Variants in RDX observed in about 807,000 individuals in gnomAD.
RDX encodes deafness, autosomal recessive 24.
RDX carries 32 observed loss-of-function variants against 83.7 expected under a neutral mutation model. That is an observed-to-expected ratio of 0.38 (90% CI 0.29 to 0.51). The LOEUF is 0.51. Ranked by LOEUF, RDX falls within the 20% of genes least tolerant of loss-of-function variation. RDX has a pLI of 0.87. For missense variants in RDX, 600 were observed against 689.9 expected (o/e 0.87, Z 1.46); for synonymous variants, 229 against 222.7 (o/e 1.03, Z -0.25).
chr11:110,185,104 TGCTGTACAAGGTTTTA>T (rs1862961466), intron 15 of RDX: 1 of 152,196 alleles, frequency 6.6e-6, no homozygotes, highest in Non-Finnish European at 1.5e-5. Flanking sequence ...TTGTGCACAG[TGCTGTACAAGGTTTTA>T]TCCAAGGAGA....
chr11:110,194,121 G>A (rs564744445), intron 15 of RDX, among the ~76,000 whole-genome samples: 1 of 152,352 alleles, frequency 6.6e-6, no homozygotes, highest in Admixed American at 6.5e-5. Flanking sequence ...AAGAACAGAT[G>A]TGGCACAACT....
chr11:110,254,649 T>C (rs1468693147), intron 8 of RDX, among the ~76,000 whole-genome samples: 1 of 152,024 alleles, frequency 6.6e-6, no homozygotes, highest in East Asian at 1.9e-4. Flanking sequence ...CTAATATTTG[T>C]ATTTTCAGTA....
At chr11:110,272,460 G>T in intron 3 of RDX, 76 bp downstream of exon 3, 1 of 986,784 alleles carries the variant, frequency 1.0e-6, no homozygotes, top group Non-Finnish European at 1.6e-6. Context: ...CAAAAGTACA[G>T]AAAAACAGAG....
rs1260638572 is a variant in RDX, at chr11:110,199,671, G to A, written c.1756C>T (p.Pro586Ser). 7.1e-6 allele frequency: 5 copies of A among 702,896 alleles called. No individual in the cohort carries two copies. The Admixed American group carries it at 1.0e-4, about 14-fold the overall frequency. The allele number at this position is 702,896 out of a possible 1,614,324, so 43.5% of individuals were successfully genotyped here. The change falls in exon 15 of 16, where the codon CCC (proline) becomes TCC (serine). Residue 586 changes from proline (P) to serine (S), a missense_variant. Physicochemically the swap from Pro to Ser is moderately conservative, Grantham distance 74 (BLOSUM62 -1). Coordinates refer to the RDX transcript ENST00000528498. ...ATCTGGAACAATGCATACAGTTTGG[G>A]TCCCCACCTTTCAAAAGAGACATTA...
chr11:110,256,900 G>A, intron 7 of RDX, among the ~76,000 whole-genome samples: 1 of 152,216 alleles, frequency 6.6e-6, no homozygotes, highest in East Asian at 1.9e-4. Flanking sequence ...TATTTTATTA[G>A]ATATCTGTAG....
chr11:110,258,867 C>CTTTTTTTTTT (rs11421586), intron 5 of RDX, among the ~76,000 whole-genome samples: 1 of 94,618 alleles, frequency 1.1e-5, no homozygotes, highest in Non-Finnish European at 2.0e-5. Flanking sequence ...CAAATACATT[C>CTTTTTTTTTT]TTTTTTTTTT....
intron 14 of RDX, among the ~76,000 whole-genome samples, chr11:110,201,903 TTGTGTGTGTGTGTGTG>T (rs141731309): frequency 0.012 from 1,661 of 137,284 alleles, 45 homozygotes; most frequent in African/African-American, 0.041. Context: ...CCGGCTAATT[TTGTGTGTGTGTGTGTG>T]TGTGTGTGTG....
chr11:110,207,083 C>T (rs144426083), intron 14 of RDX, among the ~76,000 whole-genome samples: 1 of 152,152 alleles, frequency 6.6e-6, no homozygotes, highest in Admixed American at 6.5e-5. Flanking sequence ...AGCCAATTCT[C>T]AAGCCTCAGC....
At chr11:110,211,541 GCACCA>G (rs1482962761) in intron 14 of RDX, among the ~76,000 whole-genome samples, 12 of 151,136 alleles carry the variant, frequency 7.9e-5, no homozygotes, top group Admixed American at 4.6e-4. Flanking sequence ...TTTTTTTTCA[GCACCA>G]CACCACACCT....
rs1864712941 is a variant in RDX at position 110,233,312 on chromosome 11, C to T, written c.1512G>A (p.Gly504=). 1 of 1,614,026 alleles carries T rather than the reference C, an allele frequency of 6.2e-7. No homozygotes were observed. The highest frequency in any genetic ancestry group is 8.5e-7 in the Non-Finnish European group (1 of 1,180,004). Residue 504 remains glycine (G), a synonymous_variant, in exon 13 of 14, where the codon GGG becomes GGA. Coordinates refer to ENST00000645495, the MANE Select transcript of RDX (RefSeq NM_002906.4). ...AEASAELSNE[G]VMNHRSEEER... ...CTTCCTCGCTTCTATGGTTCATTACCCCTTCATTTGATAATTCAGCACTAG... is the reference window on the plus strand; with the variant it reads ...CTTCCTCGCTTCTATGGTTCATTACTCCTTCATTTGATAATTCAGCACTAG...
intron 5 of RDX, chr11:110,263,310 G>A (rs1168580690): frequency 1.3e-5 from 2 of 152,004 alleles, no homozygotes; most frequent in Non-Finnish European, 2.9e-5. Flanking sequence ...ATTCTATGAA[G>A]AAAACACAGC....
chr11:110,240,914 G>A (rs1241597910), intron 10 of RDX, among the ~76,000 whole-genome samples: 1 of 150,778 alleles, frequency 6.6e-6, no homozygotes, highest in African/African-American at 2.4e-5. Flanking sequence ...AAATTAGCTG[G>A]GTGTGGTGGC....
At chr11:110,284,057 T>C (rs972039399) in intron 1 of RDX, among the ~76,000 whole-genome samples, 6 of 152,214 alleles carry the variant, frequency 3.9e-5, no homozygotes, top group Non-Finnish European at 8.8e-5. Flanking sequence ...TTACCAATGA[T>C]ATACTCATTA....
chr11:110,264,696 C>T, intron 4 of RDX, 83 bp downstream of exon 4: 1 of 950,708 alleles, frequency 1.1e-6, no homozygotes, highest in Non-Finnish European at 1.6e-6. Context: ...AGCTTGCAAT[C>T]AGTCAGACTT....
At chr11:110,239,009 A>C (rs1263397695) in intron 10 of RDX, among the ~76,000 whole-genome samples, 1 of 149,532 alleles carries the variant, frequency 6.7e-6, no homozygotes, top group Non-Finnish European at 1.5e-5. Context: ...GGCTTTGGTT[A>C]GGCTCACGCC....
intron 3 of RDX, among the ~76,000 whole-genome samples, chr11:110,265,109 G>GTTTTTTTTT (rs71053876): frequency 1.3e-4 from 12 of 90,694 alleles, no homozygotes; most frequent in Non-Finnish European, 1.7e-4. Context: ...TTTTTTTTTT[G>GTTTTTTTTT]TTTTTTTTTT....
At chr11:110,254,828 G>A (rs193000762) in intron 8 of RDX, among the ~76,000 whole-genome samples, 3 of 152,186 alleles carry the variant, frequency 2.0e-5, no homozygotes, top group Non-Finnish European at 2.9e-5. Flanking sequence ...GGATACTAGA[G>A]TATACTTGAC....
chr11:110,193,391 G>A (rs1321571415), intron 15 of RDX, among the ~76,000 whole-genome samples: 4 of 152,132 alleles, frequency 2.6e-5, no homozygotes, highest in Non-Finnish European at 5.9e-5. Flanking sequence ...GTTGGGGGCA[G>A]GGGTTGAAAA....
chr11:110,218,221 TAAG>T (rs1385528601), intron 14 of RDX, among the ~76,000 whole-genome samples: 1 of 152,194 alleles, frequency 6.6e-6, no homozygotes, highest in Non-Finnish European at 1.5e-5. Context: ...TCTTGGAGCA[TAAG>T]AATTATGTGT....
Sources: allele counts gnomAD v4.1 joint callset (sites outside exome capture counted in the v4.1 genomes callset), GRCh38; gene constraint gnomAD v4.1.1; transcripts MANE v1.5; gene names NCBI Gene and HGNC (gene_info 2026-07-23, HGNC 2026-07-21).